The following MAPK10 variants were observed in gnomAD, a reference collection of about 807,000 sequenced individuals.
MAPK10 encodes JNK3 alpha protein kinase.
In MAPK10, 25 loss-of-function variants were observed where a neutral mutation model predicts 59.3. The observed-to-expected ratio is 0.42, with a 90% CI of 0.31 to 0.59. MAPK10 has a LOEUF of 0.59. MAPK10 is among the 20% of genes least tolerant of loss of function. The pLI, the probability that MAPK10 is intolerant of heterozygous loss-of-function variation, is 0.15. For synonymous variants in MAPK10, 190 were observed against 200.5 expected, an observed-to-expected ratio of 0.95 and a Z score of 0.44; for missense variants, 351 against 568.9, an observed-to-expected ratio of 0.62 and a Z score of 3.90.
At chr4:86,475,284 C>T (rs753850329) in intron 1 of MAPK10, among the ~76,000 whole-genome samples, 15 of 152,158 alleles carry the variant, frequency 9.9e-5, no homozygotes, top group Admixed American at 2.6e-4. Context: ...ATCCCCTGTC[C>T]TCCTGCTCTT....
At chr4:86,301,390 A>G (rs2095470505) in intron 2 of MAPK10, among the ~76,000 whole-genome samples, 1 of 151,836 alleles carries the variant, frequency 6.6e-6, no homozygotes, top group African/African-American at 2.4e-5. Context: ...ACCAAAAGCT[A>G]TTATTAATGG....
chr4:86,177,597 GT>G (rs1582002298), intron 3 of MAPK10, among the ~76,000 whole-genome samples: 2 of 152,120 alleles, frequency 1.3e-5, no homozygotes, highest in East Asian at 3.9e-4. Context: ...GCTTAATGAT[GT>G]TTTTTAAATG....
intron 1 of MAPK10, among the ~76,000 whole-genome samples, chr4:86,392,097 A>C (rs1424843721): frequency 6.6e-6 from 1 of 152,044 alleles, no homozygotes; most frequent in African/African-American, 2.4e-5. Flanking sequence ...TGAGCCTGGA[A>C]CTCTGCAAGG....
At chr4:86,084,760 A>G (rs2051404448) in intron 9 of MAPK10, among the ~76,000 whole-genome samples, 1 of 152,220 alleles carries the variant, frequency 6.6e-6, no homozygotes, top group Non-Finnish European at 1.5e-5. Context: ...TGAAGTTTAT[A>G]TGGAACCACA....
chr4:86,353,390 G>A (rs1038795489), intron 2 of MAPK10, among the ~76,000 whole-genome samples: 2 of 152,124 alleles, frequency 1.3e-5, no homozygotes, highest in African/African-American at 2.4e-5. Context: ...ATTCAGAATG[G>A]AGAGAACATG....
intron 2 of MAPK10, among the ~76,000 whole-genome samples, chr4:86,301,441 C>T (rs2095471359): frequency 1.3e-5 from 2 of 151,930 alleles, no homozygotes; most frequent in African/African-American, 4.8e-5. Context: ...GAAGAGCCAC[C>T]TTTGAGTGGT....
intron 2 of MAPK10, among the ~76,000 whole-genome samples, chr4:86,229,500 C>G (rs2091208902): frequency 6.6e-6 from 1 of 152,112 alleles, no homozygotes; most frequent in South Asian, 2.1e-4. Context: ...TATCCAGACT[C>G]TCTTTCTTCT....
At chr4:86,258,893 T>C (rs1412873442) in intron 2 of MAPK10, among the ~76,000 whole-genome samples, 1 of 152,230 alleles carries the variant, frequency 6.6e-6, no homozygotes, top group African/African-American at 2.4e-5. Context: ...TGCTTTATTA[T>C]ATTTTTATTG....
intron 2 of MAPK10, among the ~76,000 whole-genome samples, chr4:86,249,900 T>C (rs2093327049): frequency 6.6e-6 from 1 of 152,188 alleles, no homozygotes; most frequent in South Asian, 2.1e-4. Flanking sequence ...CATTTCTGAC[T>C]ATGGAGTCTG....
intron 11 of MAPK10, among the ~76,000 whole-genome samples, chr4:86,038,436 G>A (rs905012099): frequency 3.3e-5 from 5 of 152,128 alleles, no homozygotes; most frequent in African/African-American, 9.7e-5. Flanking sequence ...TTATTAAAAC[G>A]CTTTAAGCAA....
intron 2 of MAPK10, among the ~76,000 whole-genome samples, chr4:86,299,369 C>T (rs1022618663): frequency 1.3e-5 from 2 of 152,094 alleles, no homozygotes; most frequent in Non-Finnish European, 2.9e-5. Context: ...AGTGATGATA[C>T]TTTTTCAGAG....
intron 1 of MAPK10, among the ~76,000 whole-genome samples, chr4:86,475,338 C>T (rs551494693): frequency 3.9e-5 from 6 of 152,264 alleles, no homozygotes; most frequent in Non-Finnish European, 5.9e-5. Context: ...GTCCTCAGAC[C>T]GACCAGCCCA....
At chr4:86,034,902 G>C (rs1190705898) in intron 11 of MAPK10, among the ~76,000 whole-genome samples, 1 of 152,240 alleles carries the variant, frequency 6.6e-6, no homozygotes, top group Non-Finnish European at 1.5e-5. Context: ...AATAGGGGTG[G>C]TGGTGGTGGT....
chr4:86,181,250 G>C (rs1251154409), intron 3 of MAPK10, among the ~76,000 whole-genome samples: 5 of 149,386 alleles, frequency 3.3e-5, no homozygotes, highest in Admixed American at 3.3e-4. Flanking sequence ...TAATCAATCA[G>C]TCAACGAGTA....
At chr4:86,558,242 TAA>T (rs1192761571) in intron 1 of MAPK10, among the ~76,000 whole-genome samples, 1 of 152,180 alleles carries the variant, frequency 6.6e-6, no homozygotes, top group Non-Finnish European at 1.5e-5. Context: ...TTAAGTCACA[TAA>T]ATTCAAGAAA....
chr4:86,314,832 T>C (rs895352243), intron 2 of MAPK10, among the ~76,000 whole-genome samples: 1 of 152,098 alleles, frequency 6.6e-6, no homozygotes, highest in African/African-American at 2.4e-5. Context: ...ATAACAAACT[T>C]AAGATCATAT....
intron 2 of MAPK10, among the ~76,000 whole-genome samples, chr4:86,330,997 T>C (rs2096139432): frequency 6.6e-6 from 1 of 152,166 alleles, no homozygotes. Flanking sequence ...ATGTAATAGA[T>C]AATAAATATT....
chr4:86,091,706 G>A (rs138038927), intron 9 of MAPK10, among the ~76,000 whole-genome samples: 56 of 151,248 alleles, frequency 3.7e-4, no homozygotes, highest in African/African-American at 1.3e-3. Flanking sequence ...CCAGTGTCTA[G>A]CTCTGTCACT....
chr4:86,216,733 A>T (rs1481586334), intron 2 of MAPK10, among the ~76,000 whole-genome samples: 1 of 152,104 alleles, frequency 6.6e-6, no homozygotes, highest in Non-Finnish European at 1.5e-5. Context: ...TATGACACAG[A>T]TACATGTTCA....
Sources: allele counts gnomAD v4.1 joint callset (sites outside exome capture counted in the v4.1 genomes callset), GRCh38; gene constraint gnomAD v4.1.1; transcripts MANE v1.5; gene names NCBI Gene and HGNC (gene_info 2026-07-23, HGNC 2026-07-21).